Variants in ZNF385D observed in about 807,000 individuals in gnomAD.
The protein encoded by ZNF385D is zinc finger protein 659.
A neutral mutation model predicts 35.8 loss-of-function variants in ZNF385D; 15 were observed. The observed-to-expected ratio is 0.42, with a 90% CI of 0.28 to 0.64. The LOEUF is 0.64. Among genes scored for constraint, ZNF385D ranks in the 30% least tolerant of loss-of-function variants. The pLI, the probability that ZNF385D is intolerant of heterozygous loss-of-function variation, is 0.23. For missense variants in ZNF385D, 474 were observed against 494.6 expected (o/e 0.96, Z 0.39); for synonymous variants, 212 against 186.8 (o/e 1.13, Z -1.10).
intron 2 of ZNF385D, among the ~76,000 whole-genome samples, chr3:22,318,978 G>A (rs1261832885): frequency 2.6e-5 from 4 of 152,096 alleles, no homozygotes; most frequent in Admixed American, 2.6e-4. Flanking sequence ...TTAAAGCTGT[G>A]ACTATTTTTC....
intron 3 of ZNF385D, among the ~76,000 whole-genome samples, chr3:22,116,112 C>A (rs1188413355): frequency 6.6e-6 from 1 of 151,900 alleles, no homozygotes; most frequent in Non-Finnish European, 1.5e-5. Flanking sequence ...TTTAACCATG[C>A]TACGGTAGGA....
chr3:21,745,693 C>G (rs537715512), intron 1 of ZNF385D, among the ~76,000 whole-genome samples: 1 of 152,178 alleles, frequency 6.6e-6, no homozygotes, highest in Non-Finnish European at 1.5e-5. Context: ...AGAGAGAGGG[C>G]AGGGACTATG....
intron 1 of ZNF385D, among the ~76,000 whole-genome samples, chr3:21,683,257 A>G (rs575752763): frequency 6.7e-6 from 1 of 149,926 alleles, no homozygotes; most frequent in East Asian, 2.0e-4. Flanking sequence ...TTCCTGCTGT[A>G]CACACCCTAC....
upstream of ZNF385D, among the ~76,000 whole-genome samples, chr3:21,752,978 G>C (rs185141318): frequency 4.5e-4 from 68 of 152,184 alleles, no homozygotes; most frequent in Middle Eastern, 3.4e-3. Flanking sequence ...TTTAATGTTA[G>C]TGCTTTGGGT....
intron 2 of ZNF385D, among the ~76,000 whole-genome samples, chr3:22,256,974 A>G (rs1166701573): frequency 6.6e-6 from 1 of 151,904 alleles, no homozygotes; most frequent in Non-Finnish European, 1.5e-5. Flanking sequence ...ATCAAAAGTT[A>G]TCCAAAACCC....
chr3:21,681,490 G>C (rs1413715874), intron 1 of ZNF385D, among the ~76,000 whole-genome samples: 1 of 151,376 alleles, frequency 6.6e-6, no homozygotes, highest in African/African-American at 2.4e-5. Flanking sequence ...AAAGGAAATG[G>C]CAGGGCATAC....
intron 3 of ZNF385D, among the ~76,000 whole-genome samples, chr3:21,997,858 C>T (rs1433840551): frequency 1.3e-5 from 1 of 76,348 alleles, no homozygotes. Context: ...TGCTATTTGG[C>T]GCGCGCGCGC....
chr3:21,659,896 T>C (rs1052603346), intron 2 of ZNF385D, among the ~76,000 whole-genome samples: 27 of 152,254 alleles, frequency 1.8e-4, no homozygotes, highest in South Asian at 2.1e-4. Flanking sequence ...CCCAGAACTT[T>C]TGATTCAGAA....
intron 2 of ZNF385D, among the ~76,000 whole-genome samples, chr3:22,283,505 A>C (rs1237714453): frequency 6.6e-6 from 1 of 152,116 alleles, no homozygotes; most frequent in African/African-American, 2.4e-5. Flanking sequence ...CTTTCTTGCA[A>C]TAATTCATGT....
intron 1 of ZNF385D, among the ~76,000 whole-genome samples, chr3:21,679,313 T>TTA (rs2066826134): frequency 1.3e-5 from 2 of 152,120 alleles, no homozygotes; most frequent in Admixed American, 6.6e-5. Context: ...AATAATGGAA[T>TTA]ATATTTTATT....
At chr3:21,655,383 G>A (rs2066044166) in intron 2 of ZNF385D, among the ~76,000 whole-genome samples, 1 of 151,984 alleles carries the variant, frequency 6.6e-6, no homozygotes, top group South Asian at 2.1e-4. Context: ...ATGCCCTATA[G>A]TATAAAAGAA....
intron 3 of ZNF385D, among the ~76,000 whole-genome samples, chr3:22,064,845 A>G (rs1429037724): frequency 6.6e-6 from 1 of 152,220 alleles, no homozygotes; most frequent in East Asian, 1.9e-4. Context: ...GAGAGGAGGA[A>G]GAATCTTTAG....
In ZNF385D at chr3:21,777,190, C is replaced by A. The variant is rs115978946; in HGVS notation, c.326-112162G>T. Among the ~76,000 whole-genome samples, 318 of 152,078 alleles carry A rather than the reference C, an allele frequency of 2.1e-3. 2 individuals are homozygous for A. The highest frequency in any genetic ancestry group is 7.4e-3 in the African/African-American group (306 of 41,524). ...AGCTTCTGTATGCAATTGCAAAGTT[C>A]TGTTTTGTTTAAAATAATTGCATTT... On this transcript the variant is annotated intron_variant, in intron 3 of 5. Transcript: ENST00000494108.
chr3:22,156,662 G>C (rs373080306), intron 3 of ZNF385D, among the ~76,000 whole-genome samples: 2 of 151,992 alleles, frequency 1.3e-5, no homozygotes, highest in Admixed American at 1.3e-4. Flanking sequence ...TTTCCTTGCC[G>C]ACTGAGGTAT....
intron 3 of ZNF385D, among the ~76,000 whole-genome samples, chr3:21,827,771 A>C (rs1694736393): frequency 6.6e-6 from 1 of 152,190 alleles, no homozygotes; most frequent in Non-Finnish European, 1.5e-5. Flanking sequence ...AATTCTGCAA[A>C]ATGTGCGTGA....
chr3:21,542,437 C>T (rs763100222), intron 3 of ZNF385D, among the ~76,000 whole-genome samples: 7 of 151,712 alleles, frequency 4.6e-5, no homozygotes, highest in Admixed American at 6.6e-5. Flanking sequence ...AACCTCGAAC[C>T]GCTGGGCTCA....
At chr3:22,239,432 G>A (rs952430558) in intron 2 of ZNF385D, among the ~76,000 whole-genome samples, 2 of 150,704 alleles carry the variant, frequency 1.3e-5, no homozygotes, top group African/African-American at 4.9e-5. Flanking sequence ...AAATAGTGAG[G>A]GGAAAATTCA....
chr3:21,827,241 G>GA (rs1694699950), intron 3 of ZNF385D, among the ~76,000 whole-genome samples: 2 of 152,034 alleles, frequency 1.3e-5, no homozygotes, highest in South Asian at 4.2e-4. Context: ...CCTTCATGAA[G>GA]ACATTTGAAA....
chr3:21,618,182 A>G (rs192599636), intron 2 of ZNF385D, among the ~76,000 whole-genome samples: 1 of 152,304 alleles, frequency 6.6e-6, no homozygotes, highest in Non-Finnish European at 1.5e-5. Context: ...GCTGAGAGAA[A>G]GAGATTACCT....
Sources: gnomAD v4.1 joint callset for allele counts (sites outside exome capture counted in the v4.1 genomes callset) on GRCh38, gnomAD v4.1.1 for gene constraint, MANE v1.5 for transcripts, NCBI Gene and HGNC (gene_info 2026-07-23, HGNC 2026-07-21) for gene names.